Variants in LRIG2 observed in about 807,000 individuals in gnomAD.
LRIG2 encodes leucine rich repeats and immunoglobulin like domains 2.
Under a neutral mutation model 107.8 loss-of-function variants are expected in LRIG2, and 93 were observed. The ratio of observed to expected loss-of-function variants is 0.86; its 90% CI spans 0.73 to 1.03. The LOEUF is 1.03. LRIG2 is among the 50% of genes least tolerant of loss of function. The probability of loss-of-function intolerance (pLI) is 0.00; values close to 1 mark genes in which losing one functional copy is unlikely to be tolerated. For synonymous variants in LRIG2, 471 were observed against 470.6 expected (o/e 1.00, Z -0.01); for missense variants, 1,226 against 1,296.0 (o/e 0.95, Z 0.83).
At chr1:113,098,831 A>G (rs779636317) in intron 9 of LRIG2, 46 bp downstream of exon 9, 3 of 1,149,240 alleles carry the variant, frequency 2.6e-6, no homozygotes, top group African/African-American at 3.1e-5. Flanking sequence ...CATGTTTTCA[A>G]GAACCGGCTG....
intron 1 of LRIG2, 106 bp downstream of exon 1, chr1:113,073,751 C>T: frequency 9.3e-7 from 1 of 1,078,656 alleles, no homozygotes; most frequent in Non-Finnish European, 1.3e-6. Flanking sequence ...GGTCGAGAGC[C>T]TAAGCTCTGA....
In LRIG2 at chr1:113,127,453, AAC is replaced by A. The variant is rs1655524614; in HGVS notation, c.*3353_*3354del. 1.4e-5 allele frequency: 2 copies of A among 145,018 alleles called. No homozygotes were observed. The highest frequency in any genetic ancestry group is 3.0e-5 in the Non-Finnish European group (2 of 67,282). The allele number at this position is 145,018 out of a possible 1,614,324, so 9.0% of individuals were successfully genotyped here. A position where few individuals can be genotyped will look rare whatever the true frequency, so the allele number is the denominator to read the frequency against. On this transcript the variant is annotated 3_prime_UTR_variant, in exon 18 of 18. Coordinates refer to ENST00000361127, the MANE Select transcript of LRIG2 (RefSeq NM_014813.3). ...CACCATGTTGGCCAGGCTGGTCTTGAACTCCTGACCTCAGGTGATCTGCTTGC... is the reference window on the plus strand; with the variant it reads ...CACCATGTTGGCCAGGCTGGTCTTGATCCTGACCTCAGGTGATCTGCTTGC...
At chr1:113,083,894 C>T (rs1347179589) in intron 1 of LRIG2, among the ~76,000 whole-genome samples, 2 of 148,658 alleles carry the variant, frequency 1.3e-5, no homozygotes, top group Non-Finnish European at 3.0e-5. Context: ...AGGAGATATA[C>T]CTAATGTAAA....
intron 8 of LRIG2, 33 bp downstream of exon 8, chr1:113,096,398 T>G (rs1654071573): frequency 6.3e-7 from 1 of 1,592,108 alleles, no homozygotes; most frequent in Non-Finnish European, 8.5e-7. Context: ...TTGGTTGTTG[T>G]TACTGATTTT....
At chr1:113,109,513 TTA>T (rs368855610) in intron 12 of LRIG2, among the ~76,000 whole-genome samples, 1 of 152,180 alleles carries the variant, frequency 6.6e-6, no homozygotes, top group African/African-American at 2.4e-5. Context: ...AGGATAATGG[TTA>T]TATATATACA....
At chr1:113,114,161 T>A (rs1056552998) in intron 14 of LRIG2, among the ~76,000 whole-genome samples, 1 of 152,180 alleles carries the variant, frequency 6.6e-6, no homozygotes, top group Admixed American at 6.5e-5. Context: ...TTTTTAATCT[T>A]TTTTAATGGG....
chr1:113,109,006 CA>C (rs1342451726), intron 12 of LRIG2, among the ~76,000 whole-genome samples: 2 of 152,256 alleles, frequency 1.3e-5, no homozygotes, highest in Middle Eastern at 3.4e-3. Flanking sequence ...TATATATTGC[CA>C]AATCTGTTTT....
At chr1:113,122,811 T>G (rs1655322499) in intron 17 of LRIG2, among the ~76,000 whole-genome samples, 1 of 152,234 alleles carries the variant, frequency 6.6e-6, no homozygotes, top group Non-Finnish European at 1.5e-5. Context: ...GTCTACATTT[T>G]AACAAGATCC....
chr1:113,131,727 A>G lies in LRIG2; in HGVS notation c.*7626A>G, dbSNP rs1172891158. On this transcript the variant is annotated 3_prime_UTR_variant, in exon 18 of 18. Transcript: ENST00000361127. ...AGTAACAAGTTTGGAACTAAGAGATATGTTACAAGCTGCACTTAACACCAC... is the reference window on the plus strand; with the variant it reads ...AGTAACAAGTTTGGAACTAAGAGATGTGTTACAAGCTGCACTTAACACCAC... 1 of 152,116 alleles carries G rather than the reference A, an allele frequency of 6.6e-6. No individual in the cohort carries two copies. The highest frequency in any genetic ancestry group is 2.4e-5 in the African/African-American group (1 of 41,428). 9.4% of individuals were successfully genotyped at this position (152,116 alleles called of 1,614,324 possible).
At chr1:113,113,948 C>G (rs1654887058) in intron 14 of LRIG2, among the ~76,000 whole-genome samples, 1 of 152,112 alleles carries the variant, frequency 6.6e-6, no homozygotes, top group African/African-American at 2.4e-5. Flanking sequence ...TTTATGTAGT[C>G]AAATATACCT....
At chr1:113,084,505 G>A (rs1427705116) in intron 1 of LRIG2, among the ~76,000 whole-genome samples, 5 of 152,096 alleles carry the variant, frequency 3.3e-5, no homozygotes, top group Admixed American at 3.3e-4. Context: ...ATGAGCCACC[G>A]CGCCCGGCAT....
intron 2 of LRIG2, 68 bp from the exon 3 acceptor site, chr1:113,093,138 A>C: frequency 1.0e-6 from 1 of 970,438 alleles, no homozygotes. Context: ...TGTGTTAGCC[A>C]GAAGGTAGAA....
intron 11 of LRIG2, among the ~76,000 whole-genome samples, chr1:113,100,981 C>T (rs1654283965): frequency 6.6e-6 from 1 of 152,228 alleles, no homozygotes; most frequent in African/African-American, 2.4e-5. Flanking sequence ...TACCCTTTTT[C>T]ATTGATGAGT....
At chr1:113,093,359 AT>A in intron 3 of LRIG2, 70 bp from the exon 4 acceptor site, 1 of 1,569,126 alleles carries the variant, frequency 6.4e-7, no homozygotes, top group Non-Finnish European at 8.7e-7. Flanking sequence ...TATATTGTTG[AT>A]TCTAATTAAC....
intron 1 of LRIG2, among the ~76,000 whole-genome samples, chr1:113,089,588 T>C (rs75084739): frequency 0.025 from 3,813 of 151,920 alleles, 160 homozygotes; most frequent in African/African-American, 0.084. Context: ...AATGCCTGTC[T>C]GCCTTTATAA....
rs1023354891 is a variant in LRIG2, at chr1:113,129,274, G to T, written c.*5173G>T. On this transcript the variant is annotated 3_prime_UTR_variant, in exon 18 of 18. Transcript: ENST00000361127. Reference sequence around the variant, plus strand: ...TGCAGTGAGCCGAGATTGCACCACTGCACTCCAGCCTGGTGACAGAGTGAG... The same window carrying T: ...TGCAGTGAGCCGAGATTGCACCACTTCACTCCAGCCTGGTGACAGAGTGAG... The T allele has an allele frequency of 1.6e-5, 2 of 127,724 alleles. No homozygotes were observed. Among genetic ancestry groups the T allele is most frequent in the African/African-American group, 5.8e-5 (2 of 34,276 alleles). 7.9% of individuals were successfully genotyped at this position (127,724 alleles called of 1,614,324 possible).
chr1:113,123,814 T>C, intron 17 of LRIG2, 61 bp from the exon 18 acceptor site: 2 of 1,333,646 alleles, frequency 1.5e-6, no homozygotes, highest in Middle Eastern at 3.6e-4. Flanking sequence ...TTTGAGGATT[T>C]GGCTAAAAGG....
intron 1 of LRIG2, among the ~76,000 whole-genome samples, chr1:113,074,137 T>C (rs1652847362): frequency 1.3e-5 from 2 of 152,296 alleles, no homozygotes; most frequent in South Asian, 2.1e-4. Context: ...GTTCGCATGT[T>C]GGCTGATTTT....
chr1:113,089,994 C>CTT (rs531111261), intron 1 of LRIG2, among the ~76,000 whole-genome samples: 451 of 143,674 alleles, frequency 3.1e-3, no homozygotes, highest in African/African-American at 0.011. Flanking sequence ...TATGCCTGGC[C>CTT]TTTTTTTTTT....
Sources: gnomAD v4.1 joint callset for allele counts (sites outside exome capture counted in the v4.1 genomes callset) on GRCh38, gnomAD v4.1.1 for gene constraint, MANE v1.5 for transcripts, NCBI Gene and HGNC (gene_info 2026-07-23, HGNC 2026-07-21) for gene names.